The following UBR2 variants were observed in gnomAD, a reference collection of about 807,000 sequenced individuals.
UBR2 encodes E3 ubiquitin-protein ligase UBR2.
UBR2 carries 92 observed loss-of-function variants against 247.9 expected under a neutral mutation model. The observed-to-expected ratio is 0.37, with a 90% CI of 0.31 to 0.44. The LOEUF (loss-of-function observed/expected upper bound fraction) is 0.44, where lower values mean the gene tolerates loss of function less well. UBR2 is among the 20% of genes least tolerant of loss of function. UBR2 has a pLI of 1.00. For synonymous variants in UBR2, 672 were observed against 693.5 expected (o/e 0.97, Z 0.49); for missense variants, 1,613 against 2,112.6 (o/e 0.76, Z 4.64).
At chr6:42,673,012 G>A (rs1450211711) in intron 36 of UBR2, among the ~76,000 whole-genome samples, 1 of 152,136 alleles carries the variant, frequency 6.6e-6, no homozygotes. Context: ...TTTTCCATTA[G>A]CATATTTATG....
chr6:42,577,378 A>G (rs1015840080), intron 2 of UBR2, among the ~76,000 whole-genome samples: 5 of 152,192 alleles, frequency 3.3e-5, no homozygotes, highest in African/African-American at 1.2e-4. Flanking sequence ...CATAGTTTCT[A>G]AAATTGTGTT....
chr6:42,592,257 C>A, intron 3 of UBR2, 28 bp downstream of exon 3: 2 of 1,431,038 alleles, frequency 1.4e-6, no homozygotes, highest in Non-Finnish European at 1.9e-6. Flanking sequence ...AATAACCATG[C>A]GCAGTATTGC....
rs777129534 is a variant in UBR2 at position 42,641,591 on chromosome 6, A to G, written c.1930A>G (p.Ser644Gly). 2 of 1,593,386 alleles carry G rather than the reference A, an allele frequency of 1.3e-6. No individual in the cohort carries two copies. The highest frequency in any genetic ancestry group is 1.2e-5 in the South Asian group (1 of 86,454). The change falls in exon 17 of 47, where the codon AGC becomes GGC. Residue 644 changes from serine to glycine, a missense_variant. Physicochemically the swap from Ser to Gly is moderately conservative, Grantham distance 56. Transcript: ENST00000372901. ...FPELLPLSEL[S>G]PPMLIEHPLR... The stretch of plus-strand genomic sequence containing the variant: ...TTTTTTGTATATATAGAGTGAACTT[A>G]GCCCACCCATGTTGATAGAACACCC...
intron 14 of UBR2, among the ~76,000 whole-genome samples, chr6:42,636,242 A>G (rs1347150315): frequency 1.4e-5 from 2 of 147,474 alleles, no homozygotes; most frequent in South Asian, 2.1e-4. Context: ...CAGTGGTGCA[A>G]TCCCGGCTCA....
chr6:42,588,513 A>G (rs1034615561), intron 2 of UBR2, among the ~76,000 whole-genome samples: 2 of 152,190 alleles, frequency 1.3e-5, no homozygotes, highest in Non-Finnish European at 2.9e-5. Context: ...CTGCAAAGGA[A>G]AAATAGCCAG....
At chr6:42,571,870 T>G (rs545665356) in intron 1 of UBR2, among the ~76,000 whole-genome samples, 395 of 152,064 alleles carry the variant, frequency 2.6e-3, no homozygotes, top group Non-Finnish European at 4.3e-3. Flanking sequence ...GCTCAAAGAA[T>G]AAGATTCTAG....
At chr6:42,600,625 C>CAAAA (rs71680032) in intron 4 of UBR2, among the ~76,000 whole-genome samples, 3,215 of 105,918 alleles carry the variant, frequency 0.03, 93 homozygotes, top group East Asian at 0.084. Context: ...GTTACTGTAG[C>CAAAA]AAAAAAAAAA....
At chr6:42,575,616 T>G (rs1331789091) in intron 2 of UBR2, among the ~76,000 whole-genome samples, 1 of 152,180 alleles carries the variant, frequency 6.6e-6, no homozygotes, top group Admixed American at 6.5e-5. Flanking sequence ...CAATGTCCCC[T>G]CAATTTGGGT....
intron 7 of UBR2, among the ~76,000 whole-genome samples, chr6:42,607,995 TTG>T (rs1353307302): frequency 6.6e-6 from 1 of 152,150 alleles, no homozygotes; most frequent in African/African-American, 2.4e-5. Context: ...GTTTTAAACA[TTG>T]TATAGTATTT....
intron 4 of UBR2, among the ~76,000 whole-genome samples, chr6:42,595,061 A>G (rs544748425): frequency 1.5e-4 from 23 of 152,214 alleles, no homozygotes; most frequent in Non-Finnish European, 2.8e-4. Flanking sequence ...TTTATGGGGC[A>G]CAGTGTGATA....
At chr6:42,666,439 T>G (rs1486444377) in intron 34 of UBR2, among the ~76,000 whole-genome samples, 194 bp downstream of exon 34, 1 of 152,102 alleles carries the variant, frequency 6.6e-6, no homozygotes, top group African/African-American at 2.4e-5. Context: ...GCAGTGAGCC[T>G]TCATTGCACC....
At chr6:42,665,270 A>T in intron 32 of UBR2, 139 bp from the exon 33 acceptor site, 1 of 558,958 alleles carries the variant, frequency 1.8e-6, no homozygotes. Context: ...GATTTTTTTT[A>T]ATGCAACAAA....
At chr6:42,586,764 A>G (rs956392275) in intron 2 of UBR2, among the ~76,000 whole-genome samples, 1 of 150,854 alleles carries the variant, frequency 6.6e-6, no homozygotes, top group African/African-American at 2.4e-5. Context: ...TTGCATTTAT[A>G]GTTACATTTA....
At chr6:42,602,018 A>G (rs1482651094) in intron 4 of UBR2, among the ~76,000 whole-genome samples, 4 of 92,734 alleles carry the variant, frequency 4.3e-5, no homozygotes, top group Non-Finnish European at 9.5e-5. Context: ...TACAGGCACC[A>G]CCACCACACT....
At chr6:42,619,946 A>T (rs999325762) in intron 11 of UBR2, 1 of 883,256 alleles carries the variant, frequency 1.1e-6, no homozygotes, top group Non-Finnish European at 1.4e-6. Context: ...TAAACTTTTT[A>T]TATTTTTGAT....
intron 11 of UBR2, 30 bp downstream of exon 11, chr6:42,617,537 T>C: frequency 6.5e-7 from 1 of 1,540,530 alleles, no homozygotes; most frequent in Non-Finnish European, 8.8e-7. Context: ...AAGAACTTTC[T>C]TGTTTTCCAT....
At chr6:42,662,895 A>G (rs1797896392) in intron 31 of UBR2, among the ~76,000 whole-genome samples, 1 of 152,050 alleles carries the variant, frequency 6.6e-6, no homozygotes, top group Admixed American at 6.5e-5. Flanking sequence ...AGATTGTGCA[A>G]CTGCACTCCA....
rs1390040912 is a variant in UBR2 at position 42,652,030 on chromosome 6, A to C, written c.2573A>C (p.Glu858Ala). The C allele has an allele frequency of 6.3e-7, 1 of 1,595,182 alleles. No individual in the cohort carries two copies. The highest frequency in any genetic ancestry group is 8.5e-7 in the Non-Finnish European group (1 of 1,173,374). ...AACTTTATTTTTTATTAGGCAGAAG[A>C]AGCGCAACGGAAATTGAAAAGACAA... ...FSRAEQSKAE[E>A]AQRKLKRQNR... Residue 858 changes from glutamate to alanine, a missense_variant, in exon 24 of 47, where the codon GAA (glutamate) becomes GCA (alanine). Transcript: ENST00000372901.
chr6:42,662,157 T>G, intron 30 of UBR2, 27 bp from the exon 31 acceptor site: 1 of 1,429,050 alleles, frequency 7.0e-7, no homozygotes, highest in African/African-American at 1.4e-5. Flanking sequence ...TCACTTTTGT[T>G]TTGTTTTGTT....
Sources: gnomAD v4.1 joint callset for allele counts (sites outside exome capture counted in the v4.1 genomes callset) on GRCh38, gnomAD v4.1.1 for gene constraint, MANE v1.5 for transcripts, NCBI Gene and HGNC (gene_info 2026-07-23, HGNC 2026-07-21) for gene names.